MAST4: variants seen among roughly 807,000 people sequenced by gnomAD.
MAST4 encodes microtubule associated serine/threonine kinase family member 4.
Under a neutral mutation model 162.7 loss-of-function variants are expected in MAST4, and 89 were observed. That is an observed-to-expected ratio of 0.55 (90% CI 0.46 to 0.65). The LOEUF is 0.65. Ranked by LOEUF, MAST4 falls within the 30% of genes least tolerant of loss-of-function variation. The pLI is 0.00. For missense variants in MAST4, 3,153 were observed against 3,374.0 expected, an observed-to-expected ratio of 0.93 and a Z score of 1.62; for synonymous variants, 1,479 against 1,361.1, an observed-to-expected ratio of 1.09 and a Z score of -1.91.
In MAST4 at chr5:67,130,386, G is replaced by A. The variant is rs1407951550; in HGVS notation, c.1922G>A (p.Arg641His). Residue 641 changes from arginine (R) to histidine (H), a missense_variant, in exon 15 of 29, where the codon CGC (arginine) becomes CAC (histidine). Transcript: ENST00000403625. Reference sequence around the variant, plus strand: ...ATGTATTGCTCCTTTGAAACAAGGCGCCACTTGTGCATGGTCATGGAATAT... The same window carrying A: ...ATGTATTGCTCCTTTGAAACAAGGCACCACTTGTGCATGGTCATGGAATAT... ...VSMYCSFETRRHLCMVMEYVE... is the reference protein window; with the variant it reads ...VSMYCSFETRHHLCMVMEYVE... 6.2e-6 allele frequency: 10 copies of A among 1,613,942 alleles called. No individual in the cohort carries two copies. Among genetic ancestry groups the A allele is most frequent in the Non-Finnish European group, 8.5e-6 (10 of 1,179,868 alleles).
chr5:67,138,317 T>C (rs970324885), intron 19 of MAST4, among the ~76,000 whole-genome samples: 2 of 152,232 alleles, frequency 1.3e-5, no homozygotes, highest in African/African-American at 4.8e-5. Flanking sequence ...AATTATTTTC[T>C]AAGTTCATAA....
intron 2 of MAST4, among the ~76,000 whole-genome samples, chr5:66,770,443 C>G (rs1459513590): frequency 2.6e-5 from 4 of 152,168 alleles, no homozygotes; most frequent in Non-Finnish European, 5.9e-5. Context: ...GAGCTCATCT[C>G]CCATGCAGGT....
At chr5:66,799,142 AC>A (rs993951344) in intron 3 of MAST4, among the ~76,000 whole-genome samples, 1 of 152,098 alleles carries the variant, frequency 6.6e-6, no homozygotes, top group African/African-American at 2.4e-5. Context: ...GTAGTAAACC[AC>A]CTGCCATTCG....
chr5:67,051,513 G>T (rs1227320398), intron 4 of MAST4, among the ~76,000 whole-genome samples: 1 of 152,128 alleles, frequency 6.6e-6, no homozygotes, highest in Non-Finnish European at 1.5e-5. Flanking sequence ...TACTGTTGGA[G>T]TTAAGTGCAG....
intron 4 of MAST4, among the ~76,000 whole-genome samples, chr5:67,047,360 C>A (rs1297907879): frequency 1.3e-5 from 2 of 152,190 alleles, no homozygotes; most frequent in Non-Finnish European, 2.9e-5. Flanking sequence ...TGGCTCTCTG[C>A]ACGCCTGCCA....
Position 66,701,658 on chromosome 5 carries a change from C to CA in MAST4, c.364-58050dup, listed in dbSNP as rs200037354. Among the ~76,000 whole-genome samples the CA allele has an allele frequency of 3.2e-3, 480 of 152,264 alleles. 3 individuals are homozygous for CA. The highest frequency in any genetic ancestry group is 0.011 in the African/African-American group (458 of 41,550). Reference sequence around the variant, plus strand: ...TGAACTTGGTTTTCTGTAAACACAACATAAATCATGGAAAAAGTCGTGCAT... The same window carrying CA: ...TGAACTTGGTTTTCTGTAAACACAACAATAAATCATGGAAAAAGTCGTGCAT... On this transcript the variant is annotated intron_variant, in intron 1 of 28. Coordinates refer to ENST00000403625, the MANE Select transcript of MAST4 (RefSeq NM_001164664.2).
intron 4 of MAST4, among the ~76,000 whole-genome samples, chr5:67,022,017 A>G (rs565273515): frequency 6.6e-6 from 1 of 152,214 alleles, no homozygotes; most frequent in South Asian, 2.1e-4. Flanking sequence ...TTTTGCTTTC[A>G]CACATTCCTC....
At chr5:67,078,917 T>TATATATATAATATATATATATATATATA (rs1561622033) in intron 5 of MAST4, among the ~76,000 whole-genome samples, 8 of 55,084 alleles carry the variant, frequency 1.5e-4, no homozygotes, top group African/African-American at 8.4e-4. Context: ...TATAAATATA[T>TATATATATAATATATATATATATATATA]ATATATATAT....
chr5:66,911,345 T>C (rs1763744914), intron 4 of MAST4, among the ~76,000 whole-genome samples: 1 of 152,226 alleles, frequency 6.6e-6, no homozygotes, highest in African/African-American at 2.4e-5. Context: ...ATGCAAATGG[T>C]GGCAGGAACC....
At chr5:66,875,267 T>G in intron 3 of MAST4, among the ~76,000 whole-genome samples, 1 of 152,208 alleles carries the variant, frequency 6.6e-6, no homozygotes, top group East Asian at 1.9e-4. Flanking sequence ...AGTATTTTAG[T>G]CACATAAAAT....
chr5:66,975,123 C>T (rs138294470), intron 4 of MAST4, among the ~76,000 whole-genome samples: 294 of 152,150 alleles, frequency 1.9e-3, no homozygotes, highest in African/African-American at 6.7e-3. Flanking sequence ...GGGGATTTGG[C>T]CCACAGAGAA....
intron 26 of MAST4, among the ~76,000 whole-genome samples, chr5:67,156,414 A>AG (rs1262195586): frequency 1.3e-5 from 2 of 152,208 alleles, no homozygotes; most frequent in African/African-American, 4.8e-5. Context: ...TGCTGTTCAC[A>AG]GGGGGAAACA....
At chr5:66,964,166 A>G in intron 4 of MAST4, 1 of 415,392 alleles carries the variant, frequency 2.4e-6, no homozygotes, top group Non-Finnish European at 4.6e-6. Context: ...TATTTTATAC[A>G]CTATTATTTA....
chr5:66,817,763 A>G (rs2149725918), intron 3 of MAST4, among the ~76,000 whole-genome samples: 1 of 152,356 alleles, frequency 6.6e-6, no homozygotes, highest in Middle Eastern at 3.4e-3. Context: ...CACATTGTGC[A>G]TTAATGATAT....
chr5:66,648,668 C>G lies in MAST4; in HGVS notation c.363+51650C>G, dbSNP rs541545077. Among the ~76,000 whole-genome samples the G allele has an allele frequency of 7.7e-4, 117 of 152,134 alleles. 2 individuals are homozygous for G. The South Asian group carries it at 0.024, about 31-fold the overall frequency. ...AGATTGGTGCTCGACTGAACTGTGT[C>G]CTGAGATGTTTCTAAATGAAAGCCT... On this transcript the variant is annotated intron_variant, in intron 1 of 28. Transcript: ENST00000403625.
chr5:66,702,273 T>C (rs1749829722), intron 1 of MAST4, among the ~76,000 whole-genome samples: 1 of 152,194 alleles, frequency 6.6e-6, no homozygotes, highest in African/African-American at 2.4e-5. Flanking sequence ...CTTGTTTTTA[T>C]TCACTTATTA....
intron 3 of MAST4, among the ~76,000 whole-genome samples, chr5:66,875,352 G>GT (rs1437363963): frequency 2.0e-5 from 3 of 152,102 alleles, no homozygotes; most frequent in African/African-American, 4.8e-5. Flanking sequence ...GCAGCTTATA[G>GT]TTTTTTTGTG....
At chr5:66,798,105 G>T (rs890595756) in intron 3 of MAST4, among the ~76,000 whole-genome samples, 2 of 152,068 alleles carry the variant, frequency 1.3e-5, no homozygotes, top group African/African-American at 4.8e-5. Context: ...GGTATTTTCC[G>T]GTACTTTAGC....
chr5:66,967,758 A>C (rs1746925417), intron 4 of MAST4, among the ~76,000 whole-genome samples: 1 of 147,140 alleles, frequency 6.8e-6, no homozygotes, highest in Non-Finnish European at 1.5e-5. Context: ...TTTGTCTACA[A>C]ACTAAATATA....
Sources: gnomAD v4.1 joint callset for allele counts (sites outside exome capture counted in the v4.1 genomes callset) on GRCh38, gnomAD v4.1.1 for gene constraint, MANE v1.5 for transcripts, NCBI Gene and HGNC (gene_info 2026-07-23, HGNC 2026-07-21) for gene names.